Variants in EEA1 observed in about 807,000 individuals in gnomAD.
The protein encoded by EEA1 is early endosome antigen 1.
In EEA1, 111 loss-of-function variants were observed where a neutral mutation model predicts 209.2. The observed-to-expected ratio is 0.53, with a 90% confidence interval of 0.45 to 0.62. EEA1 has a LOEUF of 0.62. Ranked by LOEUF, EEA1 falls within the 20% of genes least tolerant of loss-of-function variation. The pLI is 0.00. For missense variants in EEA1, 1,343 were observed against 1,530.8 expected, an observed-to-expected ratio of 0.88 and a Z score of 2.05; for synonymous variants, 536 against 540.6, an observed-to-expected ratio of 0.99 and a Z score of 0.12.
rs138526188 is a variant in EEA1 at position 92,779,218 on chromosome 12, G to A, written c.3551C>T (p.Ala1184Val). Residue 1184 changes from alanine (A) to valine (V), a missense_variant, in exon 25 of 29, where the codon GCA becomes GTA. This residue lies in a region of EEA1 where 1,307 missense variants were observed against 1,465.5 expected (regional missense o/e 0.89). Transcript: ENST00000322349. ...ATTTCTCTTCTCCTGTTCAACAGCT[G>A]CCTTCAGGGAGTCCGCTTTTCCTTG... is the stretch of plus-strand genomic sequence containing the variant. The part of the protein sequence containing the change: ...ELQGKADSLK[A>V]AVEQEKRNQQ... The A allele has an allele frequency of 1.8e-4, 288 of 1,610,230 alleles. No homozygotes were observed. The highest frequency in any genetic ancestry group is 2.4e-4 in the Non-Finnish European group (278 of 1,178,784).
intron 20 of EEA1, among the ~76,000 whole-genome samples, chr12:92,800,083 G>A (rs1167351617): frequency 4.0e-5 from 6 of 151,898 alleles, no homozygotes; most frequent in Admixed American, 1.3e-4. Flanking sequence ...TTAGCCAGGC[G>A]TGGTGGCAGG....
At chr12:92,915,664 A>G in intron 1 of EEA1, among the ~76,000 whole-genome samples, 1 of 152,146 alleles carries the variant, frequency 6.6e-6, no homozygotes, top group East Asian at 1.9e-4. Flanking sequence ...TATTTTCCCT[A>G]CAATCTCAAA....
chr12:92,905,140 A>C (rs949607181), intron 1 of EEA1, among the ~76,000 whole-genome samples: 2 of 152,118 alleles, frequency 1.3e-5, no homozygotes, highest in Admixed American at 6.6e-5. Context: ...ATGAATGACA[A>C]ATGACATTCC....
chr12:92,894,969 A>G (rs1879806321), intron 1 of EEA1, among the ~76,000 whole-genome samples: 1 of 152,156 alleles, frequency 6.6e-6, no homozygotes. Flanking sequence ...AATTCTTGTT[A>G]GGGGTTAATG....
At position 92,819,261 on chromosome 12, in the gene EEA1, A is replaced by G. The variant is rs752839599; in HGVS notation, c.1728+47T>C. On this transcript the variant is annotated intron_variant, in intron 14 of 28. Transcript: ENST00000322349. ...AAATAAAGCACTTAGTAAGACTTAG[A>G]GAGACAGAAGTAAATTTTACAAATA... 4 of 1,442,782 alleles carry G rather than the reference A, an allele frequency of 2.8e-6. No individual in the cohort carries two copies. The Admixed American group carries it at 8.5e-5, about 31-fold the overall frequency. 89.4% of individuals were successfully genotyped at this position (1,442,782 alleles called of 1,614,324 possible). A position where few individuals can be genotyped will look rare whatever the true frequency, so the allele number is the denominator to read the frequency against.
Position 92,814,101 on chromosome 12 carries a change from A to G in EEA1, c.1930-1008T>C, listed in dbSNP as rs1303864955. Among the ~76,000 whole-genome samples, 5 of 152,184 alleles carry G rather than the reference A, an allele frequency of 3.3e-5. No homozygotes were observed. In the East Asian group the frequency reaches 9.6e-4, roughly 29 times the overall value. ...AATTAACATATTTTGAGAAAACAGTAAAAATGGGGGGTGCATTCTTTTAGC... is the reference window on the plus strand; with the variant it reads ...AATTAACATATTTTGAGAAAACAGTGAAAATGGGGGGTGCATTCTTTTAGC... On this transcript the variant is annotated intron_variant, in intron 15 of 28. Coordinates refer to ENST00000322349, the MANE Select transcript of EEA1 (RefSeq NM_003566.4).
At chr12:92,804,395 ACC>A (rs979909079) in intron 18 of EEA1, among the ~76,000 whole-genome samples, 3 of 151,910 alleles carry the variant, frequency 2.0e-5, no homozygotes, top group Non-Finnish European at 2.9e-5. Flanking sequence ...ACACAGTGAA[ACC>A]CCCATCTCTA....
intron 21 of EEA1, among the ~76,000 whole-genome samples, chr12:92,790,329 C>A (rs1874343871): frequency 1.3e-5 from 2 of 152,176 alleles, no homozygotes; most frequent in Non-Finnish European, 2.9e-5. Flanking sequence ...TAATAACGAA[C>A]TTCTCCGAGC....
At chr12:92,822,068 A>G (rs930864985) in intron 13 of EEA1, among the ~76,000 whole-genome samples, 7 of 151,310 alleles carry the variant, frequency 4.6e-5, no homozygotes, top group African/African-American at 1.7e-4. Context: ...CCCACTCCAT[A>G]TTTTCCTCCT....
chr12:92,779,168 T>C lies in EEA1; in HGVS notation c.3601A>G (p.Lys1201Glu). ...RNQQILKDQV[K>E]KEEEELKKEF... ...TTCTTCAGCTCCTCTTCTTCCTTTT[T>C]CACCTGGTCTTTTAGTATCTGCTGA... The change falls in exon 25 of 29, where the codon AAA (lysine) becomes GAA (glutamate). Residue 1201 changes from lysine to glutamate, a missense_variant. Physicochemically the swap from Lys to Glu is moderately conservative, Grantham distance 56. This residue lies in a region of EEA1 where 1,307 missense variants were observed against 1,465.5 expected (regional missense o/e 0.89). Coordinates refer to ENST00000322349, the MANE Select transcript of EEA1 (RefSeq NM_003566.4). 6.2e-7 allele frequency: 1 copy of C among 1,610,104 alleles called. No individual in the cohort carries two copies. Among genetic ancestry groups the C allele is most frequent in the Non-Finnish European group, 8.5e-7 (1 of 1,179,104 alleles).
At chr12:92,823,676 TTTCATCCTTTCTG>T (rs1433401576) in intron 13 of EEA1, among the ~76,000 whole-genome samples, 1 of 152,216 alleles carries the variant, frequency 6.6e-6, no homozygotes, top group Non-Finnish European at 1.5e-5. Flanking sequence ...CTGGCCCCTC[TTTCATCCTTTCTG>T]TATTCCTCCC....
chr12:92,870,662 C>CT lies in EEA1; in HGVS notation c.118-5676dup, dbSNP rs1169072620. The stretch of plus-strand genomic sequence containing the variant: ...ACTGTTTATATGCAAAGTCTTTTTC[C>CT]TTTTTTTTTTTTGGCGGTGGTGGGG... On this transcript the variant is annotated intron_variant, in intron 2 of 28. Transcript: ENST00000322349. Among the ~76,000 whole-genome samples the CT allele has an allele frequency of 1.7e-3, 243 of 144,244 alleles. 1 individual carries two copies. The highest frequency in any genetic ancestry group is 9.0e-3 in the South Asian group (41 of 4,570). The allele number at this position is 144,244 out of a possible 152,430, so 94.6% of individuals were successfully genotyped here. A position where few individuals can be genotyped will look rare whatever the true frequency, so the allele number is the denominator to read the frequency against.
At chr12:92,823,176 T>C (rs1876135215) in intron 13 of EEA1, among the ~76,000 whole-genome samples, 1 of 152,184 alleles carries the variant, frequency 6.6e-6, no homozygotes, top group Non-Finnish European at 1.5e-5. Context: ...CTTTCACACA[T>C]CGACAAGAAT....
rs1877208508 is a variant in EEA1, at chr12:92,842,445, T to C, written c.915+20A>G. The C allele has an allele frequency of 1.7e-6, 2 of 1,193,642 alleles. No individual in the cohort carries two copies. The highest frequency in any genetic ancestry group is 1.5e-5 in the African/African-American group (1 of 66,010). 73.9% of individuals were successfully genotyped at this position (1,193,642 alleles called of 1,614,324 possible). On this transcript the variant is annotated intron_variant, in intron 10 of 28. Transcript: ENST00000322349. Reference sequence around the variant, plus strand: ...TACATAAAATCAATTTGCTATTATATATAGCTTTAAAATTCTCACCTGATT... The same window carrying C: ...TACATAAAATCAATTTGCTATTATACATAGCTTTAAAATTCTCACCTGATT...
chr12:92,921,200 A>T (rs935555176), intron 1 of EEA1, among the ~76,000 whole-genome samples: 1 of 146,156 alleles, frequency 6.8e-6, no homozygotes, highest in Admixed American at 6.8e-5. Context: ...GCGATTCCTC[A>T]GGGATCTAGA....
intron 15 of EEA1, among the ~76,000 whole-genome samples, chr12:92,813,593 C>T (rs775610489): frequency 6.6e-6 from 1 of 151,976 alleles, no homozygotes; most frequent in Admixed American, 6.5e-5. Flanking sequence ...AGCTCACAGT[C>T]AAAATATTAA....
At chr12:92,779,333 C>T (rs761894353) in intron 24 of EEA1, 33 bp from the exon 25 acceptor site, 1 of 1,547,666 alleles carries the variant, frequency 6.5e-7, no homozygotes, top group Non-Finnish European at 8.7e-7. Context: ...AATAAATCAT[C>T]CTTCATAGTA....
At chr12:92,834,875 T>C (rs1351145954) in intron 10 of EEA1, among the ~76,000 whole-genome samples, 2 of 152,010 alleles carry the variant, frequency 1.3e-5, no homozygotes, top group Admixed American at 6.6e-5. Flanking sequence ...CTATAAATCA[T>C]CTTTTTTTTT....
chr12:92,856,881 C>T (rs1184509326), intron 5 of EEA1, among the ~76,000 whole-genome samples: 2 of 147,498 alleles, frequency 1.4e-5, no homozygotes, highest in Admixed American at 1.4e-4. Flanking sequence ...AAGTGAATCT[C>T]CCATCTCAGC....
Sources: gnomAD v4.1 joint callset for allele counts (sites outside exome capture counted in the v4.1 genomes callset) on GRCh38, gnomAD v4.1.1 for gene constraint, gnomAD v4.1.1 regional missense constraint, MANE v1.5 for transcripts, NCBI Gene and HGNC (gene_info 2026-07-23, HGNC 2026-07-21) for gene names.